The following LRRC37A2 variants were observed in gnomAD, a reference collection of about 807,000 sequenced individuals.
The protein encoded by LRRC37A2 is leucine rich repeat containing 37 member A2.
Under a neutral mutation model 68.8 loss-of-function variants are expected in LRRC37A2, and 9 were observed. The ratio of observed to expected loss-of-function variants is 0.13; its 90% CI spans 0.08 to 0.23. The LOEUF (loss-of-function observed/expected upper bound fraction) is 0.23, where lower values mean the gene tolerates loss of function less well. Among genes scored for constraint, LRRC37A2 ranks in the 10% least tolerant of loss-of-function variants. LRRC37A2 has a pLI of 1.00. For missense variants in LRRC37A2, 168 were observed against 950.4 expected (o/e 0.18, Z 10.82); for synonymous variants, 63 against 367.6 (o/e 0.17, Z 9.48).
At chr17:46,857,615 A>T in the LRRC37A2 span, among the ~76,000 whole-genome samples, 9 of 151,766 alleles carry the variant, frequency 5.9e-5, no homozygotes, top group South Asian at 1.9e-3. Flanking sequence ...CTAGGAGTGG[A>T]TTGTTGGATC....
the LRRC37A2 span, among the ~76,000 whole-genome samples, chr17:46,887,042 C>T: frequency 7.2e-4 from 110 of 152,312 alleles, no homozygotes; most frequent in Non-Finnish European, 1.1e-3. Context: ...GTCTCGAACT[C>T]CTGGGCTCAA....
chr17:46,714,506 G>A, the LRRC37A2 span, among the ~76,000 whole-genome samples: 7 of 152,082 alleles, frequency 4.6e-5, no homozygotes, highest in African/African-American at 1.7e-4. Flanking sequence ...AGTGCCACTC[G>A]TCACCTTCTT....
chr17:46,922,823 C>T, the LRRC37A2 span: 1 of 290,704 alleles, frequency 3.4e-6, no homozygotes, highest in African/African-American at 2.2e-5. Flanking sequence ...CCAGTCCTCT[C>T]TGCGGCAGAG....
At chr17:46,923,171 C>A in the LRRC37A2 span, 13 of 1,490,370 alleles carry the variant, frequency 8.7e-6, no homozygotes, top group African/African-American at 1.5e-4. Context: ...GAGCCGGAGC[C>A]GTGGCCTGCG....
chr17:46,915,035 C>A, the LRRC37A2 span, among the ~76,000 whole-genome samples: 1 of 152,214 alleles, frequency 6.6e-6, no homozygotes, highest in Non-Finnish European at 1.5e-5. Flanking sequence ...TTATCTATTG[C>A]TGCATAACAA....
chr17:46,717,940 G>A, the LRRC37A2 span, among the ~76,000 whole-genome samples: 1 of 152,180 alleles, frequency 6.6e-6, no homozygotes, highest in African/African-American at 2.4e-5. Flanking sequence ...AAAGACCCTG[G>A]CCCAGAAGAA....
At chr17:47,027,888 T>C in the LRRC37A2 span, among the ~76,000 whole-genome samples, 1 of 152,034 alleles carries the variant, frequency 6.6e-6, no homozygotes, top group Non-Finnish European at 1.5e-5. Flanking sequence ...ACAGTTTTGG[T>C]TGACAAAACT....
At chr17:46,898,191 C>A in the LRRC37A2 span, among the ~76,000 whole-genome samples, 1 of 152,154 alleles carries the variant, frequency 6.6e-6, no homozygotes, top group African/African-American at 2.4e-5. Flanking sequence ...CTACCGTGAC[C>A]TTGCTGAGAT....
chr17:46,876,330 C>G, the LRRC37A2 span: 2 of 1,614,056 alleles, frequency 1.2e-6, no homozygotes, highest in Non-Finnish European at 1.7e-6. Context: ...AAGCAGCTCT[C>G]CCCGTTCCGT....
the LRRC37A2 span, among the ~76,000 whole-genome samples, chr17:46,986,970 G>C: frequency 1.3e-5 from 2 of 152,088 alleles, no homozygotes; most frequent in Admixed American, 6.6e-5. Context: ...TGCAGGCCAG[G>C]GGGGGTGGCT....
At chr17:46,796,275 G>A in the LRRC37A2 span, among the ~76,000 whole-genome samples, 3 of 152,212 alleles carry the variant, frequency 2.0e-5, no homozygotes, top group South Asian at 6.2e-4. Context: ...CACATAGTAG[G>A]TGCACAATAA....
chr17:46,906,669 C>G, the LRRC37A2 span, among the ~76,000 whole-genome samples: 1 of 152,110 alleles, frequency 6.6e-6, no homozygotes, highest in Non-Finnish European at 1.5e-5. Flanking sequence ...ATATAAGCCT[C>G]ATAACAACCC....
At chr17:46,978,633 C>A in the LRRC37A2 span, 1 of 1,581,138 alleles carries the variant, frequency 6.3e-7, no homozygotes, top group Non-Finnish European at 8.6e-7. Flanking sequence ...CGAGGGCGGA[C>A]CCAGATGGCG....
At chr17:46,738,845 T>TA in the LRRC37A2 span, among the ~76,000 whole-genome samples, 1 of 152,290 alleles carries the variant, frequency 6.6e-6, no homozygotes, top group African/African-American at 2.4e-5. Context: ...CTTACGCCTA[T>TA]AATCCCAGCA....
chr17:46,932,232 A>G, the LRRC37A2 span: 2 of 1,613,328 alleles, frequency 1.2e-6, no homozygotes, highest in Non-Finnish European at 1.7e-6. Flanking sequence ...GTCGGCCTGC[A>G]CTTGACAGAT....
chr17:46,941,088 G>T, the LRRC37A2 span: 9 of 1,051,688 alleles, frequency 8.6e-6, no homozygotes, highest in Non-Finnish European at 1.0e-5. Context: ...CATGAGTTTG[G>T]TGTGCCTATT....
At chr17:46,841,468 G>A in the LRRC37A2 span, among the ~76,000 whole-genome samples, 1 of 152,232 alleles carries the variant, frequency 6.6e-6, no homozygotes, top group African/African-American at 2.4e-5. Context: ...GGAGGGTGGA[G>A]AATCCGAAAG....
At chr17:46,874,816 G>C in the LRRC37A2 span, 1 of 564,558 alleles carries the variant, frequency 1.8e-6, no homozygotes, top group South Asian at 2.0e-5. Flanking sequence ...GACCTCAAAT[G>C]ATCCGCCCGC....
the LRRC37A2 span, among the ~76,000 whole-genome samples, chr17:46,812,416 T>C: frequency 2.0e-5 from 3 of 152,188 alleles, no homozygotes; most frequent in Admixed American, 2.0e-4. Flanking sequence ...AATCACCTTC[T>C]GAATCATCTC....
Sources: gnomAD v4.1 joint callset for allele counts (sites outside exome capture counted in the v4.1 genomes callset) on GRCh38, gnomAD v4.1.1 for gene constraint, MANE v1.5 for transcripts, NCBI Gene and HGNC (gene_info 2026-07-23, HGNC 2026-07-21) for gene names.